The following SH3RF1 variants were observed in gnomAD, a reference collection of about 807,000 sequenced individuals.
The protein encoded by SH3RF1 is E3 ubiquitin-protein ligase SH3RF1.
In SH3RF1, 32 loss-of-function variants were observed where a neutral mutation model predicts 74.0. The ratio of observed to expected loss-of-function variants is 0.43; its 90% CI spans 0.33 to 0.58. The LOEUF (loss-of-function observed/expected upper bound fraction) is 0.58. SH3RF1 is among the 20% of genes least tolerant of loss of function. The pLI is 0.05. For synonymous variants in SH3RF1, 396 were observed against 439.6 expected (o/e 0.90, Z 1.24); for missense variants, 954 against 1,130.9 (o/e 0.84, Z 2.24).
rs555113524 is a variant in SH3RF1, at chr4:169,266,906, A to G, written c.393+1914T>C. Reference sequence around the variant, plus strand: ...TCCTCCATCCTCCCCCAGCAAAGTAACAGACATATTTCCTGTTCCATCCAC... The same window carrying G: ...TCCTCCATCCTCCCCCAGCAAAGTAGCAGACATATTTCCTGTTCCATCCAC... On this transcript the variant is annotated intron_variant, in intron 2 of 11. Coordinates refer to ENST00000284637, the MANE Select transcript of SH3RF1 (RefSeq NM_020870.4). Among the ~76,000 whole-genome samples the G allele has an allele frequency of 2.7e-3, 409 of 152,346 alleles. 1 individual carries two copies. The highest frequency in any genetic ancestry group is 0.021 in the South Asian group (99 of 4,826).
chr4:169,209,053 G>T (rs925255753), intron 2 of SH3RF1, among the ~76,000 whole-genome samples: 3 of 152,180 alleles, frequency 2.0e-5, no homozygotes, highest in East Asian at 3.9e-4. Flanking sequence ...ACTTTGGGAG[G>T]CTGAGGAAGG....
intron 2 of SH3RF1, among the ~76,000 whole-genome samples, chr4:169,266,055 G>T (rs1272335167): frequency 1.3e-5 from 2 of 152,046 alleles, no homozygotes; most frequent in Admixed American, 1.3e-4. Flanking sequence ...AAACCAACAG[G>T]AATTCTTTAC....
chr4:169,204,370 A>G (rs1730197747), intron 2 of SH3RF1, among the ~76,000 whole-genome samples: 1 of 152,182 alleles, frequency 6.6e-6, no homozygotes, highest in South Asian at 2.1e-4. Flanking sequence ...TCAAAATCAA[A>G]ACAACATATT....
In SH3RF1 at chr4:169,148,589, A is replaced by G. The variant is rs375191469; in HGVS notation, c.765+6891T>C. Among the ~76,000 whole-genome samples, 114 of 152,382 alleles carry G rather than the reference A, an allele frequency of 7.5e-4. 3 individuals carry two copies. In the South Asian group the frequency reaches 0.023, roughly 31 times the overall value. ...TAAAATCATTAAAAATATCCTTTAC[A>G]TAAGATATGGCTCTAAGAAACACAG... On this transcript the variant is annotated intron_variant, in intron 4 of 11. Transcript: ENST00000284637.
rs1380060507 is a variant in SH3RF1 at position 169,268,938 on chromosome 4, T to C, written c.275A>G (p.Asn92Ser). Residue 92 changes from asparagine to serine, a missense_variant, in exon 2 of 12, where the codon AAC (asparagine) becomes AGC (serine). Transcript: ENST00000284637. The stretch of plus-strand genomic sequence containing the variant: ...CTGAGACCTTAATGCATTTGTGCAG[T>C]TGGTCCCACTTCCCCCACCAGGACC... ...KPGPGGGSGTNCTNALRSQSS... is the reference protein window; with the variant it reads ...KPGPGGGSGTSCTNALRSQSS... 1 of 1,614,166 alleles carries C rather than the reference T, an allele frequency of 6.2e-7. No homozygotes were observed. Among genetic ancestry groups the C allele is most frequent in the East Asian group, 2.2e-5 (1 of 44,886 alleles).
At chr4:169,123,611 C>T (rs1182457800) in intron 6 of SH3RF1, among the ~76,000 whole-genome samples, 1 of 152,084 alleles carries the variant, frequency 6.6e-6, no homozygotes, top group Non-Finnish European at 1.5e-5. Flanking sequence ...TGTTATAGCT[C>T]GCAGGCGCAG....
At chr4:169,263,744 T>C (rs967972307) in intron 2 of SH3RF1, among the ~76,000 whole-genome samples, 8 of 152,322 alleles carry the variant, frequency 5.3e-5, no homozygotes, top group East Asian at 1.9e-4. Flanking sequence ...TGGAAAGCAC[T>C]CTCTCCAGAC....
chr4:169,112,683 G>A lies in SH3RF1; in HGVS notation c.2139+3586C>T, dbSNP rs78654535. Among the ~76,000 whole-genome samples the A allele has an allele frequency of 3.6e-3, 541 of 152,268 alleles. 1 individual carries two copies. Among genetic ancestry groups the A allele is most frequent in the African/African-American group, 0.012 (505 of 41,538 alleles). ...GGCACGTACAAAAAGATCAAGAGAA[G>A]AGCCCATAACAAAGAACATAACGTG... is the stretch of plus-strand genomic sequence containing the variant. On this transcript the variant is annotated intron_variant, in intron 10 of 11. Coordinates refer to ENST00000284637, the MANE Select transcript of SH3RF1 (RefSeq NM_020870.4).
intron 2 of SH3RF1, among the ~76,000 whole-genome samples, chr4:169,202,466 T>C (rs1734926261): frequency 6.6e-6 from 1 of 152,222 alleles, no homozygotes; most frequent in Non-Finnish European, 1.5e-5. Flanking sequence ...TGTTTCAATT[T>C]ACCATCTCAT....
intron 5 of SH3RF1, among the ~76,000 whole-genome samples, chr4:169,131,674 G>A (rs1373207795): frequency 1.3e-5 from 2 of 152,188 alleles, no homozygotes; most frequent in African/African-American, 4.8e-5. Context: ...ATGGACCAAA[G>A]GCAACTTTGC....
chr4:169,161,190 G>A (rs1383813353), intron 2 of SH3RF1, among the ~76,000 whole-genome samples: 2 of 152,206 alleles, frequency 1.3e-5, no homozygotes, highest in Non-Finnish European at 2.9e-5. Flanking sequence ...TTGGGTTTGC[G>A]GCTTGTCATT....
chr4:169,128,663 TAAG>T (rs1254812554), intron 6 of SH3RF1, among the ~76,000 whole-genome samples: 1 of 151,940 alleles, frequency 6.6e-6, no homozygotes, highest in Non-Finnish European at 1.5e-5. Context: ...AAATGGAAAA[TAAG>T]AACAATAAAA....
intron 2 of SH3RF1, among the ~76,000 whole-genome samples, chr4:169,235,743 G>A (rs1317268535): frequency 1.3e-5 from 2 of 151,860 alleles, no homozygotes; most frequent in Non-Finnish European, 2.9e-5. Context: ...CCAAGCTGGA[G>A]TGCAACGGTG....
intron 4 of SH3RF1, among the ~76,000 whole-genome samples, chr4:169,144,337 A>C (rs1007949265): frequency 1.2e-4 from 19 of 152,184 alleles, no homozygotes; most frequent in African/African-American, 2.4e-4. Context: ...GGTAAAGTAC[A>C]ATACCTATTC....
intron 2 of SH3RF1, among the ~76,000 whole-genome samples, chr4:169,161,529 T>C (rs1734148106): frequency 6.6e-6 from 1 of 152,146 alleles, no homozygotes; most frequent in African/African-American, 2.4e-5. Flanking sequence ...AACAGGTAAA[T>C]AAAACATTCA....
At chr4:169,266,853 C>T (rs1731364590) in intron 2 of SH3RF1, among the ~76,000 whole-genome samples, 2 of 152,192 alleles carry the variant, frequency 1.3e-5, no homozygotes, top group Admixed American at 1.3e-4. Flanking sequence ...ATTGCATCAA[C>T]TCAGACTACT....
At chr4:169,118,133 A>G (rs913291587) in intron 8 of SH3RF1, among the ~76,000 whole-genome samples, 2 of 152,102 alleles carry the variant, frequency 1.3e-5, no homozygotes, top group Non-Finnish European at 2.9e-5. Context: ...TTCCCTGACA[A>G]TATCCCCATT....
chr4:169,154,381 C>T (rs1734019684), intron 4 of SH3RF1, among the ~76,000 whole-genome samples: 1 of 152,100 alleles, frequency 6.6e-6, no homozygotes, highest in South Asian at 2.1e-4. Flanking sequence ...TGAGTGCTGG[C>T]TACAATGATA....
chr4:169,210,188 T>C (rs1730334985), intron 2 of SH3RF1, among the ~76,000 whole-genome samples: 1 of 152,278 alleles, frequency 6.6e-6, no homozygotes, highest in South Asian at 2.1e-4. Context: ...CTCAACTCCA[T>C]CTGGAGTCTT....
Sources: allele counts gnomAD v4.1 joint callset (sites outside exome capture counted in the v4.1 genomes callset), GRCh38; gene constraint gnomAD v4.1.1; transcripts MANE v1.5; gene names NCBI Gene and HGNC (gene_info 2026-07-23, HGNC 2026-07-21).